Variants in AUTS2 observed in about 807,000 individuals in gnomAD.
AUTS2 encodes the protein activator of transcription and developmental regulator AUTS2, also known as autism susceptibility gene 2 protein.
In AUTS2, 17 loss-of-function variants were observed where a neutral mutation model predicts 112.4. The ratio of observed to expected loss-of-function variants is 0.15; its 90% CI spans 0.10 to 0.23. The LOEUF (loss-of-function observed/expected upper bound fraction) is 0.23. AUTS2 is among the 10% of genes least tolerant of loss of function. AUTS2 has a pLI of 1.00. For synonymous variants in AUTS2, 751 were observed against 702.7 expected, an observed-to-expected ratio of 1.07 and a Z score of -1.09; for missense variants, 1,510 against 1,701.6, an observed-to-expected ratio of 0.89 and a Z score of 1.98.
intron 4 of AUTS2, among the ~76,000 whole-genome samples, chr7:70,172,191 G>C (rs1808737934): frequency 6.6e-6 from 1 of 152,124 alleles, no homozygotes. Context: ...TGGATCTATG[G>C]CCTGATCTCT....
At chr7:70,328,374 A>G (rs538788332) in intron 4 of AUTS2, among the ~76,000 whole-genome samples, 10 of 152,002 alleles carry the variant, frequency 6.6e-5, no homozygotes, top group African/African-American at 2.2e-4. Flanking sequence ...GATATGCAAC[A>G]CCACACCTGG....
At chr7:70,090,040 A>G (rs1222402424) in intron 2 of AUTS2, among the ~76,000 whole-genome samples, 1 of 151,012 alleles carries the variant, frequency 6.6e-6, no homozygotes, top group East Asian at 1.9e-4. Context: ...AAATAAATAA[A>G]TAAATTTAAA....
At chr7:70,746,682 G>T (rs1788475251) in intron 6 of AUTS2, among the ~76,000 whole-genome samples, 1 of 152,108 alleles carries the variant, frequency 6.6e-6, no homozygotes, top group Non-Finnish European at 1.5e-5. Context: ...GAGAGCGCAG[G>T]ATCTTGGCGC....
chr7:70,163,357 GGC>G (rs1808212341), intron 4 of AUTS2, among the ~76,000 whole-genome samples: 9 of 67,580 alleles, frequency 1.3e-4, no homozygotes, highest in African/African-American at 1.4e-4. Flanking sequence ...GGGGGGGGGG[GGC>G]AGAGGGGGAG....
chr7:69,641,306 C>T (rs1163150346), intron 1 of AUTS2, among the ~76,000 whole-genome samples: 2 of 152,236 alleles, frequency 1.3e-5, no homozygotes, highest in African/African-American at 4.8e-5. Flanking sequence ...CTAGATCCTC[C>T]AGACAAAATT....
chr7:69,602,190 A>T (rs1218855007), intron 1 of AUTS2, among the ~76,000 whole-genome samples: 1 of 151,872 alleles, frequency 6.6e-6, no homozygotes, highest in African/African-American at 2.4e-5. Flanking sequence ...GGCTTTTGCG[A>T]GAAAATGTGC....
At chr7:70,069,001 C>T (rs920754125) in intron 2 of AUTS2, among the ~76,000 whole-genome samples, 2 of 152,188 alleles carry the variant, frequency 1.3e-5, no homozygotes, top group Admixed American at 6.5e-5. Context: ...CATCTTAATG[C>T]GTCCATATAA....
intron 4 of AUTS2, among the ~76,000 whole-genome samples, chr7:70,323,648 C>G (rs1305618605): frequency 6.6e-6 from 1 of 152,216 alleles, no homozygotes; most frequent in East Asian, 1.9e-4. Flanking sequence ...CAATCCTGAT[C>G]TCGCAACTCA....
intron 2 of AUTS2, among the ~76,000 whole-genome samples, chr7:69,912,279 G>A (rs1795391944): frequency 1.3e-5 from 2 of 152,202 alleles, no homozygotes; most frequent in African/African-American, 2.4e-5. Context: ...CTCGGGCAGG[G>A]GCACTTCCCC....
intron 4 of AUTS2, among the ~76,000 whole-genome samples, chr7:70,209,955 A>C (rs1401307691): frequency 2.0e-5 from 3 of 152,090 alleles, no homozygotes; most frequent in Non-Finnish European, 1.5e-5. Context: ...CCATGATATA[A>C]AAGTAATGGG....
intron 1 of AUTS2, among the ~76,000 whole-genome samples, chr7:69,758,157 T>G (rs1788020249): frequency 6.6e-6 from 1 of 152,210 alleles, no homozygotes; most frequent in Non-Finnish European, 1.5e-5. Flanking sequence ...AGAGTGTGGC[T>G]TCCACTGCAG....
At chr7:70,643,593 T>G (rs1473998494) in intron 5 of AUTS2, among the ~76,000 whole-genome samples, 1 of 152,132 alleles carries the variant, frequency 6.6e-6, no homozygotes, top group Non-Finnish European at 1.5e-5. Flanking sequence ...AAAGTAAAAG[T>G]GTGACAAACC....
At chr7:70,018,159 T>A (rs1800114564) in intron 2 of AUTS2, among the ~76,000 whole-genome samples, 1 of 152,182 alleles carries the variant, frequency 6.6e-6, no homozygotes, top group South Asian at 2.1e-4. Flanking sequence ...TTGTGTGATT[T>A]TTTTTAGCCC....
chr7:69,724,590 T>G (rs1254907053), intron 1 of AUTS2, among the ~76,000 whole-genome samples: 1 of 152,206 alleles, frequency 6.6e-6, no homozygotes, highest in African/African-American at 2.4e-5. Context: ...GATTCAAGGT[T>G]ACAGAATTGG....
At chr7:69,760,746 G>A (rs911856335) in intron 1 of AUTS2, among the ~76,000 whole-genome samples, 38 of 152,142 alleles carry the variant, frequency 2.5e-4, no homozygotes, top group African/African-American at 7.7e-4. Flanking sequence ...CTTGAACTTG[G>A]GAGGTGGAGG....
chr7:70,111,861 G>T (rs1464076164), intron 2 of AUTS2, among the ~76,000 whole-genome samples: 1 of 151,850 alleles, frequency 6.6e-6, no homozygotes, highest in East Asian at 1.9e-4. Flanking sequence ...TTTTTATTTT[G>T]CTTGCCATCT....
intron 1 of AUTS2, among the ~76,000 whole-genome samples, chr7:69,674,077 G>C (rs1013105234): frequency 6.6e-6 from 1 of 152,228 alleles, no homozygotes; most frequent in East Asian, 1.9e-4. Flanking sequence ...GGCACATTTA[G>C]AGAGTGACAG....
chr7:70,395,327 C>T (rs1410594012), intron 4 of AUTS2, among the ~76,000 whole-genome samples: 2 of 152,168 alleles, frequency 1.3e-5, no homozygotes, highest in Non-Finnish European at 2.9e-5. Flanking sequence ...TCGCCTCTCA[C>T]CAAGTTTCAG....
intron 4 of AUTS2, among the ~76,000 whole-genome samples, chr7:70,173,698 G>T (rs1055774017): frequency 6.6e-6 from 1 of 152,132 alleles, no homozygotes; most frequent in African/African-American, 2.4e-5. Flanking sequence ...TCATGTCTCT[G>T]TGTGACATTT....
Sources: gnomAD v4.1 joint callset for allele counts (sites outside exome capture counted in the v4.1 genomes callset) on GRCh38, gnomAD v4.1.1 for gene constraint, MANE v1.5 for transcripts, NCBI Gene and HGNC (gene_info 2026-07-23, HGNC 2026-07-21) for gene names.